The following DZIP3 variants were observed in gnomAD, a reference collection of about 807,000 sequenced individuals.
DZIP3 encodes DAZ interacting zinc finger protein 3, also known as E3 ubiquitin-protein ligase DZIP3.
A neutral mutation model predicts 162.0 loss-of-function variants in DZIP3; 118 were observed. The observed-to-expected ratio is 0.73, with a 90% confidence interval of 0.63 to 0.85. The LOEUF (loss-of-function observed/expected upper bound fraction) is 0.85, where lower values mean the gene tolerates loss of function less well. Among genes scored for constraint, DZIP3 ranks in the 40% least tolerant of loss-of-function variants. DZIP3 has a pLI of 0.00. For missense variants in DZIP3, 1,331 were observed against 1,407.0 expected (o/e 0.95, Z 0.86); for synonymous variants, 438 against 458.6 (o/e 0.96, Z 0.57).
Position 108,644,631 on chromosome 3 carries a change from C to A in DZIP3, c.1609C>A (p.Leu537Ile). The A allele has an allele frequency of 1.2e-6, 2 of 1,614,030 alleles. No homozygotes were observed. The highest frequency in any genetic ancestry group is 1.1e-5 in the South Asian group (1 of 91,078). ...AATTTGGAAAAAAGTTTCAGATATTCTTCTGCGCCTTGGGATGATGCAAGA... is the reference window on the plus strand; with the variant it reads ...AATTTGGAAAAAAGTTTCAGATATTATTCTGCGCCTTGGGATGATGCAAGA... ...NSIWKKVSDI[L>I]LRLGMMQEDI... The change falls in exon 14 of 33, where the codon CTT (leucine) becomes ATT (isoleucine). Residue 537 changes from leucine (L) to isoleucine (I), a missense_variant. By Grantham distance (5) the Leu-to-Ile change is conservative. Around this residue, in one of 2 missense-constraint regions of DZIP3, gnomAD observed 1,278 missense variants for 1,317.1 expected, o/e 0.97. Coordinates refer to ENST00000361582, the MANE Select transcript of DZIP3 (RefSeq NM_014648.4).
In DZIP3 at chr3:108,644,662, T is replaced by G. The variant is rs766217493; in HGVS notation, c.1640T>G (p.Ile547Ser). ...CGCCTTGGGATGATGCAAGAGGATA[T>G]TGACAAAGTGAAGGAGAATCCCATT... is the stretch of plus-strand genomic sequence containing the variant. The part of the protein sequence containing the change: ...LLRLGMMQED[I>S]DKVKENPIEN... Residue 547 changes from isoleucine (I) to serine (S), a missense_variant, in exon 14 of 33, where the codon ATT becomes AGT. Around this residue, in one of 2 missense-constraint regions of DZIP3, gnomAD observed 1,278 missense variants for 1,317.1 expected, o/e 0.97. Transcript: ENST00000361582. 29 of 1,614,016 alleles carry G rather than the reference T, an allele frequency of 1.8e-5. No homozygotes were observed. Among genetic ancestry groups the G allele is most frequent in the Non-Finnish European group, 2.5e-5 (29 of 1,179,952 alleles).
rs1250377592 is a variant in DZIP3 at position 108,688,924 on chromosome 3, G to A, written c.3516G>A (p.Gln1172=). 9 of 1,613,708 alleles carry A rather than the reference G, an allele frequency of 5.6e-6. No individual in the cohort carries two copies. Among genetic ancestry groups the A allele is most frequent in the African/African-American group, 5.3e-5 (4 of 74,900 alleles). ...VLPCAHKFHA[Q]CIRPWLMQQG... The stretch of plus-strand genomic sequence containing the variant: ...CTTGCGCTCACAAATTCCATGCTCA[G>A]GTAACACTTTAAATTTTCCCATTAA... The change falls in exon 31 of 33, where the codon CAG becomes CAA. Residue 1172 remains glutamine, a splice_region_variant and synonymous_variant. Coordinates refer to ENST00000361582, the MANE Select transcript of DZIP3 (RefSeq NM_014648.4).
At chr3:108,635,034 C>A in intron 10 of DZIP3, 62 bp downstream of exon 10, 2 of 1,022,750 alleles carry the variant, frequency 2.0e-6, no homozygotes, top group Non-Finnish European at 2.9e-6. Flanking sequence ...CTCTTTTGTT[C>A]TCTTCCCCAT....
At chr3:108,684,398 C>A in intron 27 of DZIP3, 57 bp downstream of exon 27, 1 of 1,564,808 alleles carries the variant, frequency 6.4e-7, no homozygotes, top group Non-Finnish European at 8.7e-7. Flanking sequence ...CTCTAGTGGG[C>A]TTCCTGAATG....
intron 5 of DZIP3, among the ~76,000 whole-genome samples, chr3:108,617,057 A>G (rs1941056808): frequency 6.6e-6 from 1 of 152,240 alleles, no homozygotes; most frequent in Non-Finnish European, 1.5e-5. Flanking sequence ...TGTGGAATCT[A>G]GGAGCTGAAC....
chr3:108,637,393 C>T lies in DZIP3; in HGVS notation c.1012-103C>T, dbSNP rs886427709. ...TTTGTTTGTTTTATATTCACTGTGG[C>T]TTCACTCTCATTGTATGTTTCAAAT... On this transcript the variant is annotated intron_variant, in intron 11 of 32. Transcript: ENST00000361582. The T allele has an allele frequency of 2.4e-5, 24 of 985,012 alleles. No homozygotes were observed. In the Middle Eastern group the frequency reaches 6.6e-4, roughly 27 times the overall value. The allele number at this position is 985,012 out of a possible 1,614,324, so 61.0% of individuals were successfully genotyped here.
At chr3:108,662,785 G>A (rs1943500059) in intron 21 of DZIP3, among the ~76,000 whole-genome samples, 1 of 152,120 alleles carries the variant, frequency 6.6e-6, no homozygotes, top group Non-Finnish European at 1.5e-5. Flanking sequence ...CAAAAATTCT[G>A]ACTGACTTAG....
chr3:108,594,818 A>G (rs1401742974), intron 1 of DZIP3, among the ~76,000 whole-genome samples: 2 of 152,186 alleles, frequency 1.3e-5, no homozygotes, highest in Admixed American at 1.3e-4. Flanking sequence ...AATAAAAATC[A>G]TTTATTTTAT....
chr3:108,651,091 T>C, intron 17 of DZIP3, 46 bp from the exon 18 acceptor site: 1 of 648,854 alleles, frequency 1.5e-6, no homozygotes, highest in Admixed American at 4.0e-5. Context: ...AGTATGTTGT[T>C]TTGATATAGT....
At chr3:108,669,583 A>G (rs1559773595) in intron 21 of DZIP3, 98 bp from the exon 22 acceptor site, 3 of 1,059,440 alleles carry the variant, frequency 2.8e-6, no homozygotes, top group Non-Finnish European at 4.1e-6. Context: ...CCAAATGGAC[A>G]TACTTTATCT....
At chr3:108,595,495 A>C (rs1054977300) in intron 1 of DZIP3, among the ~76,000 whole-genome samples, 1 of 152,114 alleles carries the variant, frequency 6.6e-6, no homozygotes, top group Non-Finnish European at 1.5e-5. Context: ...GATTACAGAC[A>C]TGAGCCACCA....
chr3:108,688,531 G>A, intron 29 of DZIP3, 62 bp from the exon 30 acceptor site: 1 of 1,547,642 alleles, frequency 6.5e-7, no homozygotes, highest in South Asian at 1.2e-5. Context: ...CTGTACTAAT[G>A]TTTCAGCTCT....
At chr3:108,623,064 C>A (rs1194950610) in intron 5 of DZIP3, among the ~76,000 whole-genome samples, 1 of 151,862 alleles carries the variant, frequency 6.6e-6, no homozygotes, top group Non-Finnish European at 1.5e-5. Flanking sequence ...TCTTTCTGAG[C>A]AGTGCGTTTC....
intron 6 of DZIP3, among the ~76,000 whole-genome samples, chr3:108,625,360 A>T (rs1451100616): frequency 6.6e-6 from 1 of 152,244 alleles, no homozygotes; most frequent in Non-Finnish European, 1.5e-5. Context: ...AGAATGATAA[A>T]GAATTGTGCT....
At chr3:108,672,695 A>G (rs1194902996) in intron 23 of DZIP3, 39 bp downstream of exon 23, 7 of 1,518,594 alleles carry the variant, frequency 4.6e-6, no homozygotes, top group Non-Finnish European at 6.4e-6. Flanking sequence ...GGGTGAGGGG[A>G]AAAGTTTTAC....
chr3:108,648,885 T>TA, intron 16 of DZIP3, 33 bp from the exon 17 acceptor site: 1 of 1,088,484 alleles, frequency 9.2e-7, no homozygotes, highest in Non-Finnish European at 1.2e-6. Flanking sequence ...CAATTTGAAT[T>TA]ACATATTTAA....
intron 10 of DZIP3, among the ~76,000 whole-genome samples, chr3:108,635,669 A>G (rs967642471): frequency 8.8e-5 from 13 of 147,630 alleles, no homozygotes; most frequent in Non-Finnish European, 1.9e-4. Flanking sequence ...TAAATATTAT[A>G]TAATATATAA....
At chr3:108,636,898 C>T (rs1210442486) in intron 11 of DZIP3, among the ~76,000 whole-genome samples, 190 bp downstream of exon 11, 2 of 150,862 alleles carry the variant, frequency 1.3e-5, no homozygotes, top group African/African-American at 4.9e-5. Context: ...TCCTTAAGAA[C>T]AGTAAAAAAT....
chr3:108,690,915 T>C lies in DZIP3; in HGVS notation c.*6+12T>C, dbSNP rs748225979. 6.2e-7 allele frequency: 1 copy of C among 1,610,308 alleles called. No homozygotes were observed. The highest frequency in any genetic ancestry group is 1.7e-5 in the Admixed American group (1 of 59,962). On this transcript the variant is annotated intron_variant, in intron 32 of 32. Coordinates refer to ENST00000361582, the MANE Select transcript of DZIP3 (RefSeq NM_014648.4). ...AGATCTGATACAAGGTCGGGGTGTC[T>C]ATGCAAAGGAAGCTCAGTTTTCTTT...
Sources: allele counts gnomAD v4.1 joint callset (sites outside exome capture counted in the v4.1 genomes callset), GRCh38; gene constraint gnomAD v4.1.1; regional missense constraint gnomAD v4.1.1; transcripts MANE v1.5; gene names NCBI Gene and HGNC (gene_info 2026-07-23, HGNC 2026-07-21).